The following COL22A1 variants were observed in gnomAD, a reference collection of about 807,000 sequenced individuals.
The protein encoded by COL22A1 is collagen type XXII alpha 1 chain, also known as collagen alpha-1(XXII) chain.
Under a neutral mutation model 248.9 loss-of-function variants are expected in COL22A1, and 221 were observed. The observed-to-expected ratio is 0.89, with a 90% CI of 0.80 to 0.99. COL22A1 has a LOEUF of 0.99. Among genes scored for constraint, COL22A1 ranks in the 50% least tolerant of loss-of-function variants. The pLI, the probability that COL22A1 is intolerant of heterozygous loss-of-function variation, is 0.00. For missense variants in COL22A1, 2,240 were observed against 2,179.0 expected (o/e 1.03, Z -0.56); for synonymous variants, 891 against 793.4 (o/e 1.12, Z -2.07).
rs369728114 is a variant in COL22A1, at chr8:138,830,680, G to A, written c.845+2359C>T. On this transcript the variant is annotated intron_variant, in intron 5 of 64. Transcript: ENST00000303045. ...CTTTGATGCAAGTGCTTCCTTAGAA[G>A]GTTAGCAGAGTGGTCCTTGGTTAGA... 3.3e-5 allele frequency among the ~76,000 whole-genome samples: 5 copies of A among 152,212 alleles called. No individual in the cohort carries two copies. The East Asian group carries it at 7.7e-4, about 23-fold the overall frequency.
chr8:138,762,517 G>T (rs1159762919), intron 16 of COL22A1, 51 bp from the exon 17 acceptor site: 1 of 1,571,064 alleles, frequency 6.4e-7, no homozygotes, highest in Non-Finnish European at 8.8e-7. Flanking sequence ...ACCACAGGCA[G>T]CAGCCCAGCA....
chr8:138,868,116 A>C (rs979825938), intron 3 of COL22A1, among the ~76,000 whole-genome samples: 3 of 152,180 alleles, frequency 2.0e-5, no homozygotes, highest in Non-Finnish European at 4.4e-5. Flanking sequence ...GCTTGTCAAA[A>C]TAAACAAGAA....
At chr8:138,907,314 C>A (rs565863797) in intron 1 of COL22A1, among the ~76,000 whole-genome samples, 22 of 152,328 alleles carry the variant, frequency 1.4e-4, no homozygotes, top group African/African-American at 5.3e-4. Context: ...CTGCTCATTA[C>A]CCTCGTGCTG....
chr8:138,762,261 G>T, intron 17 of COL22A1, 152 bp downstream of exon 17: 1 of 691,918 alleles, frequency 1.4e-6, no homozygotes, highest in Non-Finnish European at 2.4e-6. Flanking sequence ...CAGCCACACA[G>T]CCGGGGTCTG....
At chr8:138,636,598 G>T (rs1821199848) in intron 48 of COL22A1, 144 bp downstream of exon 48, 2 of 652,500 alleles carry the variant, frequency 3.1e-6, no homozygotes, top group Non-Finnish European at 5.4e-6. Context: ...GAGATACCAA[G>T]ATGAAAACCA....
chr8:138,839,303 G>A (rs897878453), intron 4 of COL22A1, among the ~76,000 whole-genome samples: 1 of 152,096 alleles, frequency 6.6e-6, no homozygotes, highest in African/African-American at 2.4e-5. Context: ...CAGGACCCAC[G>A]GCGAGGGTAC....
intron 47 of COL22A1, among the ~76,000 whole-genome samples, chr8:138,638,856 AGAC>A (rs1413787677): frequency 1.3e-5 from 2 of 152,190 alleles, no homozygotes; most frequent in African/African-American, 2.4e-5. Flanking sequence ...GTCTGGGTTT[AGAC>A]TAGTTTCAAC....
intron 4 of COL22A1, among the ~76,000 whole-genome samples, chr8:138,839,840 A>G (rs145644471): frequency 6.6e-6 from 1 of 152,322 alleles, no homozygotes; most frequent in Non-Finnish European, 1.5e-5. Flanking sequence ...TAACGCTTTT[A>G]TTGGCTAGAA....
chr8:138,774,576 G>T (rs964883139), intron 16 of COL22A1, among the ~76,000 whole-genome samples: 1 of 151,988 alleles, frequency 6.6e-6, no homozygotes, highest in South Asian at 2.1e-4. Context: ...CCGCCACCAA[G>T]CCCGGCTAAT....
At chr8:138,807,115 CAGAG>C (rs1817793356) in intron 10 of COL22A1, among the ~76,000 whole-genome samples, 1 of 152,028 alleles carries the variant, frequency 6.6e-6, no homozygotes, top group Non-Finnish European at 1.5e-5. Flanking sequence ...GAGATAAAGA[CAGAG>C]AGAGACAGTG....
Position 138,619,173 on chromosome 8 carries a change from G to A in COL22A1, c.3825+282C>T, listed in dbSNP as rs115661559. Among the ~76,000 whole-genome samples the A allele has an allele frequency of 5.6e-3, 851 of 152,204 alleles. 9 individuals carry two copies. The highest frequency in any genetic ancestry group is 0.019 in the African/African-American group (805 of 41,516). The stretch of plus-strand genomic sequence containing the variant: ...AACTAAAATTAAGATTCATTTTTAC[G>A]TTCTATTATCCAGAGAAAACCCATT... On this transcript the variant is annotated intron_variant, in intron 53 of 64. Coordinates refer to ENST00000303045, the MANE Select transcript of COL22A1 (RefSeq NM_152888.3).
intron 62 of COL22A1, among the ~76,000 whole-genome samples, chr8:138,595,018 C>G (rs1817406438): frequency 6.6e-6 from 1 of 152,100 alleles, no homozygotes; most frequent in Admixed American, 6.5e-5. Context: ...CTGGTGGCCA[C>G]CAAGGGCAGT....
chr8:138,661,052 A>G (rs1422367826), intron 43 of COL22A1, among the ~76,000 whole-genome samples: 2 of 148,816 alleles, frequency 1.3e-5, no homozygotes, highest in African/African-American at 5.0e-5. Flanking sequence ...ACACACACAC[A>G]CGCACACACA....
intron 3 of COL22A1, among the ~76,000 whole-genome samples, chr8:138,856,445 A>G (rs1259356357): frequency 6.6e-6 from 1 of 152,118 alleles, no homozygotes; most frequent in Non-Finnish European, 1.5e-5. Flanking sequence ...ACAGAGAGGG[A>G]GAAGCAGTGA....
intron 2 of COL22A1, among the ~76,000 whole-genome samples, chr8:138,881,456 C>T (rs906546579): frequency 6.6e-6 from 1 of 152,040 alleles, no homozygotes; most frequent in Non-Finnish European, 1.5e-5. Flanking sequence ...GAGGCCGAGG[C>T]GGGCGGATCA....
Position 138,633,787 on chromosome 8 carries a change from G to A in COL22A1, c.3609+1223C>T, listed in dbSNP as rs138226484. Among the ~76,000 whole-genome samples, 930 of 152,262 alleles carry A rather than the reference G, an allele frequency of 6.1e-3. 9 individuals carry two copies. The highest frequency in any genetic ancestry group is 0.01 in the Non-Finnish European group (687 of 68,024). On this transcript the variant is annotated intron_variant, in intron 49 of 64. Coordinates refer to ENST00000303045, the MANE Select transcript of COL22A1 (RefSeq NM_152888.3). ...ATACAGTGCAAAGCAACTACTAAGTGAAATTATAAGCCTTGAAAGAATTGT... is the reference window on the plus strand; with the variant it reads ...ATACAGTGCAAAGCAACTACTAAGTAAAATTATAAGCCTTGAAAGAATTGT...
chr8:138,896,534 T>C (rs55909098), intron 1 of COL22A1, among the ~76,000 whole-genome samples: 29 of 152,246 alleles, frequency 1.9e-4, no homozygotes, highest in Non-Finnish European at 2.8e-4. Context: ...ATTGTAAAAA[T>C]TGTTGAAGTA....
At chr8:138,787,987 C>T (rs1422154895) in intron 12 of COL22A1, among the ~76,000 whole-genome samples, 1 of 152,168 alleles carries the variant, frequency 6.6e-6, no homozygotes, top group Non-Finnish European at 1.5e-5. Context: ...ATATCAGGCC[C>T]TATTTCTAAA....
intron 21 of COL22A1, among the ~76,000 whole-genome samples, chr8:138,754,534 C>T (rs1359586753): frequency 6.6e-6 from 1 of 152,170 alleles, no homozygotes; most frequent in Non-Finnish European, 1.5e-5. Flanking sequence ...TTGAAAGCAA[C>T]AGCAGCACAT....
Sources: allele counts gnomAD v4.1 joint callset (sites outside exome capture counted in the v4.1 genomes callset), GRCh38; gene constraint gnomAD v4.1.1; transcripts MANE v1.5; gene names NCBI Gene and HGNC (gene_info 2026-07-23, HGNC 2026-07-21).